CCDC149: variants seen among roughly 807,000 people sequenced by gnomAD.
CCDC149 encodes coiled-coil domain containing 149, also known as coiled-coil domain-containing protein 149.
A neutral mutation model predicts 59.9 loss-of-function variants in CCDC149; 45 were observed. The ratio of observed to expected loss-of-function variants is 0.75; its 90% CI spans 0.59 to 0.96. The LOEUF is 0.96. CCDC149 is among the 40% of genes least tolerant of loss of function. The probability of loss-of-function intolerance (pLI) is 0.00; values close to 1 mark genes in which losing one functional copy is unlikely to be tolerated. For synonymous variants in CCDC149, 245 were observed against 260.6 expected, an observed-to-expected ratio of 0.94 and a Z score of 0.58; for missense variants, 584 against 664.7, an observed-to-expected ratio of 0.88 and a Z score of 1.33.
intron 1 of CCDC149, among the ~76,000 whole-genome samples, chr4:24,963,944 A>C (rs1723719649): frequency 1.3e-5 from 2 of 152,122 alleles, no homozygotes; most frequent in Non-Finnish European, 2.9e-5. Context: ...GGAGGATCCC[A>C]AGCACTTTGG....
At chr4:24,885,543 C>G (rs1309024087) in intron 1 of CCDC149, among the ~76,000 whole-genome samples, 1 of 152,300 alleles carries the variant, frequency 6.6e-6, no homozygotes, top group East Asian at 1.9e-4. Flanking sequence ...TTTCAGCCTC[C>G]GCCGTGACGG....
chr4:24,863,288 C>T (rs1718496091), intron 3 of CCDC149, among the ~76,000 whole-genome samples: 1 of 152,100 alleles, frequency 6.6e-6, no homozygotes, highest in South Asian at 2.1e-4. Flanking sequence ...CAAGACGTCA[C>T]CTCAAAAACA....
intron 1 of CCDC149, among the ~76,000 whole-genome samples, chr4:24,952,775 C>T (rs1577503599): frequency 2.6e-5 from 4 of 151,056 alleles, no homozygotes; most frequent in South Asian, 2.1e-4. Context: ...CATCCGTCAT[C>T]GGAACTCTTT....
Position 24,808,277 on chromosome 4 carries a change from G to T in CCDC149, c.*112C>A. 1.0e-6 allele frequency: 1 copy of T among 957,912 alleles called. No individual in the cohort carries two copies. Among genetic ancestry groups the T allele is most frequent in the Non-Finnish European group, 1.5e-6 (1 of 684,468 alleles). The allele number at this position is 957,912 out of a possible 1,614,324, so 59.3% of individuals were successfully genotyped here. A position where few individuals can be genotyped will look rare whatever the true frequency, so the allele number is the denominator to read the frequency against. On this transcript the variant is annotated 3_prime_UTR_variant, in exon 13 of 13. Coordinates refer to ENST00000635206, the MANE Select transcript of CCDC149 (RefSeq NM_001330643.2). ...ACAGGATCAGTGCGTTTTCTCACTT[G>T]CAGACTCGGAGGTATTTCAGGAGAA...
chr4:24,901,564 T>C (rs1055726095), intron 1 of CCDC149, among the ~76,000 whole-genome samples: 1 of 152,176 alleles, frequency 6.6e-6, no homozygotes, highest in Non-Finnish European at 1.5e-5. Flanking sequence ...AAATAGCAGT[T>C]GAGCTCACTT....
At chr4:24,973,831 C>T (rs775960403) in intron 1 of CCDC149, among the ~76,000 whole-genome samples, 27 of 152,216 alleles carry the variant, frequency 1.8e-4, no homozygotes, top group Non-Finnish European at 3.1e-4. Context: ...TGCTTCTTAA[C>T]CAGCAAGTGC....
At chr4:24,825,524 A>G (rs967953554) in intron 9 of CCDC149, among the ~76,000 whole-genome samples, 1 of 152,152 alleles carries the variant, frequency 6.6e-6, no homozygotes, top group African/African-American at 2.4e-5. Context: ...CTGTAATCCC[A>G]GCACTTTGGG....
chr4:24,924,904 C>G (rs1348902215), intron 1 of CCDC149, among the ~76,000 whole-genome samples: 1 of 152,162 alleles, frequency 6.6e-6, no homozygotes, highest in Non-Finnish European at 1.5e-5. Context: ...AAAATGCAAT[C>G]TACCACAGTG....
intron 3 of CCDC149, among the ~76,000 whole-genome samples, chr4:24,855,862 C>T (rs1220771906): frequency 2.6e-5 from 4 of 152,282 alleles, no homozygotes; most frequent in South Asian, 2.1e-4. Flanking sequence ...CAAATGACTG[C>T]CTTTGGAAAT....
chr4:24,925,958 G>A (rs367949670), intron 1 of CCDC149, among the ~76,000 whole-genome samples: 7 of 152,190 alleles, frequency 4.6e-5, no homozygotes, highest in East Asian at 1.9e-4. Flanking sequence ...ACTCTGGGAG[G>A]CTGAGACGGG....
chr4:24,896,466 A>G (rs1254815709), intron 1 of CCDC149, among the ~76,000 whole-genome samples: 1 of 152,210 alleles, frequency 6.6e-6, no homozygotes, highest in African/African-American at 2.4e-5. Context: ...GTGGGTAGCA[A>G]ATAACCTTTG....
At chr4:24,832,219 G>A (rs1177843336) in intron 8 of CCDC149, among the ~76,000 whole-genome samples, 2 of 152,146 alleles carry the variant, frequency 1.3e-5, no homozygotes, top group African/African-American at 2.4e-5. Context: ...GTTATGTATG[G>A]CATAACAAAA....
At chr4:24,845,994 A>G (rs1717263318) in intron 4 of CCDC149, among the ~76,000 whole-genome samples, 1 of 152,224 alleles carries the variant, frequency 6.6e-6, no homozygotes, top group Non-Finnish European at 1.5e-5. Flanking sequence ...TTGGGCAGAG[A>G]TATCTTTCAG....
At chr4:24,880,108 T>C (rs1367716284) in intron 1 of CCDC149, among the ~76,000 whole-genome samples, 1 of 152,232 alleles carries the variant, frequency 6.6e-6, no homozygotes, top group Admixed American at 6.5e-5. Context: ...ATGTAGTACA[T>C]AACAACACTT....
At chr4:24,893,708 C>T (rs1480422113) in intron 1 of CCDC149, among the ~76,000 whole-genome samples, 1 of 138,544 alleles carries the variant, frequency 7.2e-6, no homozygotes, top group African/African-American at 2.7e-5. Context: ...CCTCTGCCTC[C>T]TGGGTTCAAG....
chr4:24,812,849 C>T (rs114091090), intron 12 of CCDC149, among the ~76,000 whole-genome samples: 4,362 of 152,184 alleles, frequency 0.029, 215 homozygotes, highest in African/African-American at 0.098. Context: ...GAGACTTATT[C>T]GCTACCAAGA....
At chr4:24,825,851 G>T (rs1171224915) in intron 9 of CCDC149, among the ~76,000 whole-genome samples, 1 of 151,980 alleles carries the variant, frequency 6.6e-6, no homozygotes, top group African/African-American at 2.4e-5. Context: ...AATCTACAGA[G>T]ACCAGTAGGA....
chr4:24,972,104 A>G (rs866322015), intron 1 of CCDC149, among the ~76,000 whole-genome samples: 5 of 152,326 alleles, frequency 3.3e-5, no homozygotes, highest in Middle Eastern at 3.4e-3. Flanking sequence ...CACCTTGGGC[A>G]CATTCTCAGA....
At chr4:24,953,955 G>T (rs141990879) in intron 1 of CCDC149, among the ~76,000 whole-genome samples, 158 of 151,620 alleles carry the variant, frequency 1.0e-3, no homozygotes, top group African/African-American at 3.7e-3. Flanking sequence ...AAGAATCAGT[G>T]AACTTTAATT....
Sources: allele counts gnomAD v4.1 joint callset (sites outside exome capture counted in the v4.1 genomes callset), GRCh38; gene constraint gnomAD v4.1.1; transcripts MANE v1.5; gene names NCBI Gene and HGNC (gene_info 2026-07-23, HGNC 2026-07-21).